The following PUS10 variants were observed in gnomAD, a reference collection of about 807,000 sequenced individuals.
PUS10 encodes tRNA pseudouridine synthase Pus10.
Under a neutral mutation model 75.0 loss-of-function variants are expected in PUS10, and 59 were observed. That is an observed-to-expected ratio of 0.79 (90% confidence interval 0.64 to 0.98). PUS10 has a LOEUF of 0.98. Ranked by LOEUF, PUS10 falls within the 50% of genes least tolerant of loss-of-function variation. The pLI is 0.00. For missense variants in PUS10, 650 were observed against 614.4 expected (o/e 1.06, Z -0.61); for synonymous variants, 219 against 211.6 (o/e 1.03, Z -0.30).
intron 8 of PUS10, among the ~76,000 whole-genome samples, chr2:60,963,733 A>T (rs1296129997): frequency 6.6e-6 from 1 of 152,190 alleles, no homozygotes; most frequent in African/African-American, 2.4e-5. Context: ...CTGTTTGATA[A>T]GATATGAAAT....
rs188696504 is a variant in PUS10 at position 60,958,720 on chromosome 2, C to T, written c.1000+1672G>A. ...GCAACATGGCAAAACTCCATCTCCA[C>T]AAAAAATACAAAAAAATTAGCCAGG... On this transcript the variant is annotated intron_variant, in intron 11 of 17. Coordinates refer to ENST00000316752, the MANE Select transcript of PUS10 (RefSeq NM_144709.4). 8.5e-5 allele frequency among the ~76,000 whole-genome samples: 13 copies of T among 152,050 alleles called. No homozygotes were observed. In the South Asian group the frequency reaches 1.9e-3, roughly 22 times the overall value.
intron 16 of PUS10, among the ~76,000 whole-genome samples, chr2:60,947,828 CAA>C (rs890632119): frequency 9.8e-4 from 45 of 46,058 alleles, no homozygotes; most frequent in African/African-American, 3.4e-3. Flanking sequence ...GACTCTGCCT[CAA>C]AAAAAAAAAA....
At chr2:60,996,063 A>T (rs1678439281) in intron 4 of PUS10, among the ~76,000 whole-genome samples, 1 of 152,206 alleles carries the variant, frequency 6.6e-6, no homozygotes, top group African/African-American at 2.4e-5. Flanking sequence ...ACATTATAGT[A>T]TTGTGGTGGT....
chr2:60,970,436 C>T (rs765087665), intron 5 of PUS10, among the ~76,000 whole-genome samples: 35 of 152,206 alleles, frequency 2.3e-4, no homozygotes, highest in Non-Finnish European at 3.7e-4. Context: ...ATAGGTACTG[C>T]CAACAGTCAT....
In PUS10 at chr2:60,990,431, G is replaced by C. The variant is rs184897526; in HGVS notation, c.468+16126C>G. On this transcript the variant is annotated intron_variant, in intron 4 of 17. Coordinates refer to ENST00000316752, the MANE Select transcript of PUS10 (RefSeq NM_144709.4). ...GTGTTTTGAGCAGCTTTTCCCTAAGGGGCATCTGTTGTCAGAAGAGAGAGA... is the reference window on the plus strand; with the variant it reads ...GTGTTTTGAGCAGCTTTTCCCTAAGCGGCATCTGTTGTCAGAAGAGAGAGA... Among the ~76,000 whole-genome samples the C allele has an allele frequency of 9.6e-4, 146 of 152,268 alleles. 1 individual carries two copies. Among genetic ancestry groups the C allele is most frequent in the African/African-American group, 3.1e-3 (130 of 41,552 alleles).
At chr2:60,947,956 C>T in intron 16 of PUS10, 87 bp downstream of exon 16, 1 of 1,443,084 alleles carries the variant, frequency 6.9e-7, no homozygotes. Flanking sequence ...CCCTCCCAGA[C>T]CAAGCTGACC....
chr2:60,954,294 G>A (rs374883143), intron 12 of PUS10, 136 bp from the exon 13 acceptor site: 6 of 715,834 alleles, frequency 8.4e-6, no homozygotes, highest in Non-Finnish European at 1.2e-5. Flanking sequence ...GACTACATCT[G>A]AGGGAGGGAA....
rs1413783162 is a variant in PUS10, at chr2:60,952,984, A to T, written c.1308+13T>A. 1 of 1,265,226 alleles carries T rather than the reference A, an allele frequency of 7.9e-7. No individual in the cohort carries two copies. Among genetic ancestry groups the T allele is most frequent in the African/African-American group, 1.5e-5 (1 of 67,210 alleles). The allele number at this position is 1,265,226 out of a possible 1,614,324, so 78.4% of individuals were successfully genotyped here. Reference sequence around the variant, plus strand: ...GAAAAATGAAATAAAAAGAATAAGCACACTTAAACTACCTTTATGTCATTT... The same window carrying T: ...GAAAAATGAAATAAAAAGAATAAGCTCACTTAAACTACCTTTATGTCATTT... On this transcript the variant is annotated intron_variant, in intron 15 of 17. Coordinates refer to ENST00000316752, the MANE Select transcript of PUS10 (RefSeq NM_144709.4).
chr2:61,007,506 C>G (rs1573516959), intron 3 of PUS10, among the ~76,000 whole-genome samples: 1 of 151,730 alleles, frequency 6.6e-6, no homozygotes, highest in African/African-American at 2.4e-5. Flanking sequence ...TGGTGGCTCA[C>G]GCCTATAATC....
At chr2:61,001,175 C>G (rs1441053267) in intron 4 of PUS10, among the ~76,000 whole-genome samples, 1 of 152,200 alleles carries the variant, frequency 6.6e-6, no homozygotes, top group African/African-American at 2.4e-5. Context: ...ATTTCTTGCT[C>G]TAAACATAAC....
rs67357917 is a variant in PUS10 at position 61,012,887 on chromosome 2, T to TATATATATATATATATAC, written c.-15-983_-15-982insGTATATATATATATATAT. Among the ~76,000 whole-genome samples the TATATATATATATATATAC allele has an allele frequency of 4.4e-3, 393 of 88,740 alleles. 3 individuals carry two copies. Among genetic ancestry groups the TATATATATATATATATAC allele is most frequent in the Middle Eastern group, 8.1e-3 (1 of 124 alleles). The allele number at this position is 88,740 out of a possible 152,430, so 58.2% of individuals were successfully genotyped here. A position where few individuals can be genotyped will look rare whatever the true frequency, so the allele number is the denominator to read the frequency against. On this transcript the variant is annotated intron_variant, in intron 1 of 17. Transcript: ENST00000316752. The stretch of plus-strand genomic sequence containing the variant: ...AAAAAAATATATATATATATATATA[T>TATATATATATATATATAC]ACACACACACACATATGCCTATTAC...
intron 11 of PUS10, among the ~76,000 whole-genome samples, chr2:60,960,171 A>G (rs1435050768): frequency 1.6e-5 from 2 of 126,866 alleles, no homozygotes; most frequent in African/African-American, 6.1e-5. Flanking sequence ...AAAAAAAAAG[A>G]GAGAGAGAAT....
intron 1 of PUS10, among the ~76,000 whole-genome samples, chr2:61,012,506 C>G (rs1679669508): frequency 6.6e-6 from 1 of 151,562 alleles, no homozygotes; most frequent in South Asian, 2.1e-4. Flanking sequence ...CCCCTTTCCC[C>G]AAAGCCAGCC....
In PUS10 at chr2:61,018,139, C is replaced by T. The variant is rs1289168054; in HGVS notation, c.-147G>A. Reference sequence around the variant, plus strand: ...GAAAGGGGGGCGGCTTCCTACCTACCGCTTCTGTTTTCACTTTGACAGAAT... The same window carrying T: ...GAAAGGGGGGCGGCTTCCTACCTACTGCTTCTGTTTTCACTTTGACAGAAT... On this transcript the variant is annotated 5_prime_UTR_variant, in exon 1 of 18. Transcript: ENST00000316752. The T allele has an allele frequency of 1.9e-6, 3 of 1,549,760 alleles. No homozygotes were observed. The highest frequency in any genetic ancestry group is 2.7e-5 in the African/African-American group (2 of 72,984).
chr2:60,946,815 C>CAT (rs889578702), intron 16 of PUS10, among the ~76,000 whole-genome samples: 5 of 144,072 alleles, frequency 3.5e-5, no homozygotes, highest in African/African-American at 7.9e-5. Flanking sequence ...GCTTTTTTCC[C>CAT]ATATATATAT....
intron 16 of PUS10, 31 bp downstream of exon 16, chr2:60,948,012 G>C (rs774107055): frequency 6.2e-7 from 1 of 1,613,214 alleles, no homozygotes; most frequent in East Asian, 2.2e-5. Flanking sequence ...GTTCTGGTTC[G>C]ATGGCGGCAG....
At chr2:60,965,533 C>A in intron 6 of PUS10, 49 bp from the exon 7 acceptor site, 3 of 1,249,778 alleles carry the variant, frequency 2.4e-6, no homozygotes, top group Non-Finnish European at 3.4e-6. Context: ...AAACTAACAT[C>A]TAACAACTTA....
chr2:60,953,915 C>A lies in PUS10; in HGVS notation c.1190+18G>T, dbSNP rs1420907094. 1 of 1,609,070 alleles carries A rather than the reference C, an allele frequency of 6.2e-7. No individual in the cohort carries two copies. Among genetic ancestry groups the A allele is most frequent in the South Asian group, 1.1e-5 (1 of 90,974 alleles). On this transcript the variant is annotated intron_variant, in intron 14 of 17. Transcript: ENST00000316752. Reference sequence around the variant, plus strand: ...AAAACGTCCCTTTTGAAATCATCTCCAATGAGCCTACTCTTACCTTGTGAC... The same window carrying A: ...AAAACGTCCCTTTTGAAATCATCTCAAATGAGCCTACTCTTACCTTGTGAC...
chr2:60,951,787 T>C (rs993442859), intron 15 of PUS10, among the ~76,000 whole-genome samples: 4 of 152,184 alleles, frequency 2.6e-5, no homozygotes, highest in African/African-American at 9.7e-5. Context: ...AAACATATCA[T>C]CCTCTATAGA....
Sources: allele counts gnomAD v4.1 joint callset (sites outside exome capture counted in the v4.1 genomes callset), GRCh38; gene constraint gnomAD v4.1.1; transcripts MANE v1.5; gene names NCBI Gene and HGNC (gene_info 2026-07-23, HGNC 2026-07-21).